ANOS1: variants seen among roughly 807,000 people sequenced by gnomAD.
ANOS1 encodes anosmin 1.
A neutral mutation model predicts 59.0 loss-of-function variants in ANOS1; 6 were observed. The observed-to-expected ratio is 0.10, with a 90% CI of 0.06 to 0.20. ANOS1 has a LOEUF of 0.20. Ranked by LOEUF, ANOS1 falls within the 10% of genes least tolerant of loss-of-function variation. The pLI, the probability that ANOS1 is intolerant of heterozygous loss-of-function variation, is 1.00. For missense variants in ANOS1, 433 were observed against 542.3 expected (o/e 0.80, Z 2.00); for synonymous variants, 217 against 223.4 (o/e 0.97, Z 0.25).
chrX:8,724,716 G>T (rs1602045908), intron 1 of ANOS1, among the ~76,000 whole-genome samples: 1 of 112,196 alleles, frequency 8.9e-6, no homozygotes, highest in Admixed American at 9.4e-5. Context: ...GCATCGACTG[G>T]AGAAGGAATT....
intron 2 of ANOS1, among the ~76,000 whole-genome samples, chrX:8,689,173 T>A (rs1932566525): frequency 8.9e-6 from 1 of 112,137 alleles, no homozygotes; most frequent in Admixed American, 9.5e-5. Flanking sequence ...TCCTGGCCAT[T>A]TAAGAAATGG....
At chrX:8,606,935 T>G (rs969725234) in intron 3 of ANOS1, among the ~76,000 whole-genome samples, 1 of 112,498 alleles carries the variant, frequency 8.9e-6, no homozygotes, top group African/African-American at 3.2e-5. Flanking sequence ...CTGGCCAACA[T>G]GGCAAAGCCT....
intron 2 of ANOS1, among the ~76,000 whole-genome samples, chrX:8,654,943 C>T (rs908219267): frequency 1.4e-4 from 16 of 112,122 alleles, no homozygotes; most frequent in African/African-American, 4.2e-4. Context: ...TAGCCATGCC[C>T]ATTCATTGCC....
At chrX:8,589,536 T>C (rs1930579597) in intron 4 of ANOS1, among the ~76,000 whole-genome samples, 1 of 112,380 alleles carries the variant, frequency 8.9e-6, no homozygotes, top group Non-Finnish European at 1.9e-5. Flanking sequence ...AGAAAAGAGA[T>C]GGTTTTGATA....
intron 9 of ANOS1, among the ~76,000 whole-genome samples, chrX:8,552,431 T>C (rs902878545): frequency 4.5e-5 from 5 of 112,098 alleles, no homozygotes; most frequent in African/African-American, 1.6e-4. Context: ...TAAATCTCCA[T>C]CCACAGCTGA....
chrX:8,594,658 G>GTATATA (rs767812487), intron 4 of ANOS1, among the ~76,000 whole-genome samples: 1,142 of 33,197 alleles, frequency 0.034, 39 homozygotes, highest in East Asian at 0.069. Context: ...ATATATATGT[G>GTATATA]TATATATATA....
At chrX:8,600,120 T>C (rs909544456) in intron 3 of ANOS1, among the ~76,000 whole-genome samples, 1 of 112,184 alleles carries the variant, frequency 8.9e-6, no homozygotes, top group African/African-American at 3.2e-5. Context: ...CAATGTTCAA[T>C]TAAAATATGC....
chrX:8,593,305 C>T (rs145445687), intron 4 of ANOS1, among the ~76,000 whole-genome samples: 1,304 of 111,627 alleles, frequency 0.012, 22 homozygotes, highest in African/African-American at 0.04. Flanking sequence ...GTAGGCACTC[C>T]GTAAATGTGT....
chrX:8,609,985 C>T (rs1042883670), intron 3 of ANOS1, among the ~76,000 whole-genome samples: 6 of 75,321 alleles, frequency 8.0e-5, no homozygotes, highest in South Asian at 8.4e-4. Flanking sequence ...CCAGCCTGGG[C>T]GACAGAGCAA....
intron 9 of ANOS1, among the ~76,000 whole-genome samples, chrX:8,552,839 A>G (rs934139883): frequency 2.7e-5 from 3 of 109,615 alleles, no homozygotes; most frequent in Non-Finnish European, 3.8e-5. Flanking sequence ...ATTAACTGTA[A>G]TATAGACATA....
chrX:8,675,875 C>T (rs1183119598), intron 2 of ANOS1, among the ~76,000 whole-genome samples: 2 of 77,680 alleles, frequency 2.6e-5, no homozygotes, highest in Non-Finnish European at 5.2e-5. Flanking sequence ...CACCCCCCGA[C>T]AGGCCCCAGT....
chrX:8,554,012 C>T lies in ANOS1; in HGVS notation c.1294G>A (p.Gly432Arg), dbSNP rs372392838. ...RRRPTRPLEV[G>R]APFYQDGQLQ... ...TGGCCATCCTGATAGAAGGGAGCTC[C>T]GACTTCCAGCGGGCGAGTGGGTCGT... Residue 432 changes from glycine to arginine, a missense_variant, in exon 9 of 14, where the codon GGA (glycine) becomes AGA (arginine). Physicochemically the swap from Gly to Arg is moderately radical, Grantham distance 125. Transcript: ENST00000262648. 4.9e-5 allele frequency: 59 copies of T among 1,205,723 alleles called. No individual in the cohort carries two copies. Among genetic ancestry groups the T allele is most frequent in the African/African-American group, 1.1e-4 (6 of 57,143 alleles).
At chrX:8,639,775 G>A (rs1451694764) in intron 2 of ANOS1, among the ~76,000 whole-genome samples, 1 of 112,013 alleles carries the variant, frequency 8.9e-6, no homozygotes, top group Non-Finnish European at 1.9e-5. Context: ...TATTTTTGGA[G>A]GTTACACATC....
At chrX:8,673,050 A>G (rs1932281637) in intron 2 of ANOS1, among the ~76,000 whole-genome samples, 2 of 111,573 alleles carry the variant, frequency 1.8e-5, no homozygotes, top group Non-Finnish European at 3.8e-5. Flanking sequence ...AGAGAACTGT[A>G]AAAAAAGACA....
chrX:8,537,996 C>T (rs772670565), intron 10 of ANOS1, among the ~76,000 whole-genome samples: 8 of 110,766 alleles, frequency 7.2e-5, no homozygotes, highest in Non-Finnish European at 1.5e-4. Context: ...CAAAAGAGAC[C>T]GGGAGTGACC....
chrX:8,541,244 A>G (rs1263524316), intron 9 of ANOS1, among the ~76,000 whole-genome samples: 1 of 106,099 alleles, frequency 9.4e-6, no homozygotes, highest in African/African-American at 3.5e-5. Flanking sequence ...CTCTACTAAC[A>G]ATACAAAAAT....
chrX:8,604,282 T>C (rs1930898253), intron 3 of ANOS1, among the ~76,000 whole-genome samples: 1 of 111,289 alleles, frequency 9.0e-6, no homozygotes, highest in African/African-American at 3.3e-5. Context: ...ATGTCTTGGG[T>C]GAACTTCTGA....
intron 2 of ANOS1, among the ~76,000 whole-genome samples, chrX:8,641,400 T>C (rs190574373): frequency 2.2e-3 from 242 of 112,330 alleles, no homozygotes; most frequent in Middle Eastern, 0.018. Flanking sequence ...ATTAAACCAT[T>C]ATTTATTTCT....
chrX:8,723,592 C>T (rs901891586), intron 1 of ANOS1, among the ~76,000 whole-genome samples: 1 of 112,457 alleles, frequency 8.9e-6, no homozygotes, highest in Non-Finnish European at 1.9e-5. Context: ...TTGTTCCTTT[C>T]TGGGCATTTT....
Sources: gnomAD v4.1 joint callset for allele counts (sites outside exome capture counted in the v4.1 genomes callset) on GRCh38, gnomAD v4.1.1 for gene constraint, MANE v1.5 for transcripts, NCBI Gene and HGNC (gene_info 2026-07-23, HGNC 2026-07-21) for gene names.